Variants in VPS26A observed in about 807,000 individuals in gnomAD.
The protein encoded by VPS26A is vacuolar protein sorting-associated protein 26A.
A neutral mutation model predicts 42.4 loss-of-function variants in VPS26A; 22 were observed. The observed-to-expected ratio is 0.52, with a 90% CI of 0.37 to 0.74. The LOEUF is 0.74. Among genes scored for constraint, VPS26A ranks in the 30% least tolerant of loss-of-function variants. VPS26A has a pLI of 0.00. For missense variants in VPS26A, 276 were observed against 379.2 expected (o/e 0.73, Z 2.26); for synonymous variants, 110 against 123.5 (o/e 0.89, Z 0.73).
chr10:69,129,257 G>C (rs555334953), intron 1 of VPS26A, among the ~76,000 whole-genome samples: 2 of 152,130 alleles, frequency 1.3e-5, no homozygotes, highest in African/African-American at 4.8e-5. Flanking sequence ...GCACATATTC[G>C]ATTAGTAAAT....
chr10:69,163,523 A>G (rs1174932276), intron 6 of VPS26A, among the ~76,000 whole-genome samples: 1 of 152,112 alleles, frequency 6.6e-6, no homozygotes, highest in East Asian at 1.9e-4. Flanking sequence ...TTTCCCCCAT[A>G]TTCTCATGAG....
At chr10:69,129,764 T>C (rs922087030) in intron 1 of VPS26A, among the ~76,000 whole-genome samples, 1 of 152,114 alleles carries the variant, frequency 6.6e-6, no homozygotes, top group Admixed American at 6.6e-5. Context: ...ACCTTGTGAT[T>C]CGCCCACCTT....
intron 2 of VPS26A, among the ~76,000 whole-genome samples, chr10:69,144,196 C>G (rs562138678): frequency 9.2e-5 from 14 of 152,316 alleles, no homozygotes; most frequent in Admixed American, 9.2e-4. Context: ...CATGGATTCA[C>G]TGTTACTAAT....
At chr10:69,166,261 A>T in intron 7 of VPS26A, 151 bp downstream of exon 7, 1 of 698,268 alleles carries the variant, frequency 1.4e-6, no homozygotes. Flanking sequence ...ACAGCTGCAA[A>T]GAAGACTGTA....
chr10:69,165,499 C>T lies in VPS26A; in HGVS notation c.659-543C>T, dbSNP rs543980148. 2.6e-5 allele frequency among the ~76,000 whole-genome samples: 4 copies of T among 152,150 alleles called. No homozygotes were observed. The East Asian group carries it at 7.7e-4, about 29-fold the overall frequency. On this transcript the variant is annotated intron_variant, in intron 6 of 8. Coordinates refer to ENST00000263559, the MANE Select transcript of VPS26A (RefSeq NM_004896.5). Reference sequence around the variant, plus strand: ...TCTCCTTTGTTGTTTCAAACAACTTCAAATTCTCCTTTGTTGTTTAAAATG... The same window carrying T: ...TCTCCTTTGTTGTTTCAAACAACTTTAAATTCTCCTTTGTTGTTTAAAATG...
At chr10:69,152,883 T>G (rs1227644376) in intron 2 of VPS26A, among the ~76,000 whole-genome samples, 2 of 150,324 alleles carry the variant, frequency 1.3e-5, no homozygotes, top group Non-Finnish European at 3.0e-5. Flanking sequence ...GGCAGGAGAA[T>G]GGCATGAACC....
At chr10:69,170,267 A>T (rs1021183464) in intron 8 of VPS26A, 1 of 152,244 alleles carries the variant, frequency 6.6e-6, no homozygotes, top group African/African-American at 2.4e-5. Flanking sequence ...CAGTATTGCC[A>T]TCCTAATGTT....
At chr10:69,159,203 A>G (rs1012872024) in intron 5 of VPS26A, among the ~76,000 whole-genome samples, 6 of 152,076 alleles carry the variant, frequency 3.9e-5, no homozygotes, top group Non-Finnish European at 7.4e-5. Flanking sequence ...CAACATGGAG[A>G]AACTCCGTCT....
At position 69,171,273 on chromosome 10, in the gene VPS26A, G is replaced by A. The variant is rs534386386; in HGVS notation, c.*4G>A. 1 of 1,601,242 alleles carries A rather than the reference G, an allele frequency of 6.2e-7. No individual in the cohort carries two copies. The highest frequency in any genetic ancestry group is 1.4e-5 in the African/African-American group (1 of 73,986). On this transcript the variant is annotated 3_prime_UTR_variant, in exon 9 of 9. Coordinates refer to ENST00000263559, the MANE Select transcript of VPS26A (RefSeq NM_004896.5). ...TGCCGAACAGCCTGAAATGTGAACT[G>A]AACAGGAGAAAAAAAGAAAAGCAAA... is the stretch of plus-strand genomic sequence containing the variant.
At chr10:69,152,436 TTAA>T (rs1392072798) in intron 2 of VPS26A, among the ~76,000 whole-genome samples, 1 of 152,250 alleles carries the variant, frequency 6.6e-6, no homozygotes, top group African/African-American at 2.4e-5. Context: ...TTTTAAACTT[TTAA>T]TAATATTCCA....
At chr10:69,164,270 T>C (rs889952496) in intron 6 of VPS26A, among the ~76,000 whole-genome samples, 2 of 150,574 alleles carry the variant, frequency 1.3e-5, no homozygotes, top group African/African-American at 4.9e-5. Context: ...CAGGCTGGAG[T>C]GCAATGGTAC....
chr10:69,129,503 A>G (rs1169991321), intron 1 of VPS26A, among the ~76,000 whole-genome samples: 1 of 151,862 alleles, frequency 6.6e-6, no homozygotes, highest in Non-Finnish European at 1.5e-5. Context: ...CGAGTTTGTT[A>G]TTTGTAATTT....
chr10:69,133,545 GA>G (rs1346459075), intron 2 of VPS26A: 1 of 1,288,334 alleles, frequency 7.8e-7, no homozygotes, highest in African/African-American at 1.5e-5. Context: ...CTCTGTAGAG[GA>G]CTTGAGTACT....
intron 1 of VPS26A, among the ~76,000 whole-genome samples, chr10:69,132,207 G>T (rs1450609818): frequency 6.6e-6 from 1 of 152,068 alleles, no homozygotes; most frequent in East Asian, 1.9e-4. Flanking sequence ...ATAAATAAAA[G>T]TATAAATAAA....
intron 2 of VPS26A, among the ~76,000 whole-genome samples, chr10:69,148,688 G>A (rs1242140538): frequency 2.0e-5 from 3 of 151,822 alleles, no homozygotes; most frequent in East Asian, 1.9e-4. Context: ...AGCATTATTC[G>A]AGACATCTCT....
rs1304793823 is a variant in VPS26A, at chr10:69,145,925, C to CT, written c.154-9885dup. Among the ~76,000 whole-genome samples the CT allele has an allele frequency of 7.2e-5, 11 of 152,156 alleles. No individual in the cohort carries two copies. The South Asian group carries it at 8.3e-4, about 11-fold the overall frequency. Reference sequence around the variant, plus strand: ...ACATGAGAACCACTAATTTACAAATCTTCTTTCTTTCTTGCTGAATTTATT... The same window carrying CT: ...ACATGAGAACCACTAATTTACAAATCTTTCTTTCTTTCTTGCTGAATTTATT... On this transcript the variant is annotated intron_variant, in intron 2 of 8. Coordinates refer to ENST00000263559, the MANE Select transcript of VPS26A (RefSeq NM_004896.5).
At chr10:69,169,144 GT>G (rs1235290685) in intron 8 of VPS26A, among the ~76,000 whole-genome samples, 2 of 151,736 alleles carry the variant, frequency 1.3e-5, no homozygotes, top group Non-Finnish European at 2.9e-5. Flanking sequence ...GCCTCCCAAA[GT>G]GCTGGAATTA....
intron 2 of VPS26A, among the ~76,000 whole-genome samples, chr10:69,139,267 T>C (rs1175829156): frequency 6.6e-6 from 1 of 152,170 alleles, no homozygotes; most frequent in Non-Finnish European, 1.5e-5. Flanking sequence ...CTGAATAATC[T>C]TGGCTTACAT....
intron 1 of VPS26A, among the ~76,000 whole-genome samples, chr10:69,127,073 T>A (rs1373002782): frequency 6.8e-6 from 1 of 146,620 alleles, no homozygotes; most frequent in Non-Finnish European, 1.5e-5. Flanking sequence ...ACTACAGGAA[T>A]GCGCCACCAC....
Sources: gnomAD v4.1 joint callset for allele counts (sites outside exome capture counted in the v4.1 genomes callset) on GRCh38, gnomAD v4.1.1 for gene constraint, MANE v1.5 for transcripts, NCBI Gene and HGNC (gene_info 2026-07-23, HGNC 2026-07-21) for gene names.